The following GMDS variants were observed in gnomAD, a reference collection of about 807,000 sequenced individuals.
GMDS encodes GDP-mannose 4,6 dehydratase.
Under a neutral mutation model 49.9 loss-of-function variants are expected in GMDS, and 20 were observed. The observed-to-expected ratio is 0.40, with a 90% CI of 0.28 to 0.58. The LOEUF (loss-of-function observed/expected upper bound fraction) is 0.58, where lower values mean the gene tolerates loss of function less well. GMDS is among the 20% of genes least tolerant of loss of function. GMDS has a pLI of 0.42. For synonymous variants in GMDS, 177 were observed against 178.6 expected, an observed-to-expected ratio of 0.99 and a Z score of 0.07; for missense variants, 362 against 481.4, an observed-to-expected ratio of 0.75 and a Z score of 2.32.
intron 1 of GMDS, among the ~76,000 whole-genome samples, chr6:2,210,861 G>C (rs1452369047): frequency 1.3e-5 from 2 of 152,188 alleles, no homozygotes; most frequent in Non-Finnish European, 1.5e-5. Flanking sequence ...AGCACTGAGG[G>C]AGGGACCTGG....
intron 6 of GMDS, among the ~76,000 whole-genome samples, chr6:1,932,315 C>T (rs1174389005): frequency 1.3e-5 from 2 of 152,076 alleles, no homozygotes; most frequent in African/African-American, 4.8e-5. Context: ...TCCGAGCAAC[C>T]CATGTGCTAA....
chr6:1,857,732 G>T (rs1757999926), intron 7 of GMDS, among the ~76,000 whole-genome samples: 1 of 151,694 alleles, frequency 6.6e-6, no homozygotes, highest in Admixed American at 6.6e-5. Context: ...TAGCAAGACT[G>T]AGCCCTAGTC....
intron 4 of GMDS, among the ~76,000 whole-genome samples, chr6:1,964,182 C>A (rs1764128860): frequency 6.6e-6 from 1 of 152,204 alleles, no homozygotes; most frequent in Non-Finnish European, 1.5e-5. Context: ...TCTTCTCTGA[C>A]ATCAAGTGTC....
chr6:2,131,943 C>T (rs1444660516), intron 1 of GMDS, among the ~76,000 whole-genome samples: 2 of 152,048 alleles, frequency 1.3e-5, no homozygotes, highest in Admixed American at 1.3e-4. Context: ...ACTATCACTA[C>T]AAATGATGAC....
At chr6:2,160,338 C>T (rs982992672) in intron 1 of GMDS, among the ~76,000 whole-genome samples, 5 of 152,130 alleles carry the variant, frequency 3.3e-5, no homozygotes, top group Non-Finnish European at 7.4e-5. Flanking sequence ...TGTAACACAG[C>T]TTCTAACATT....
intron 4 of GMDS, 84 bp downstream of exon 4, chr6:2,115,687 T>C: frequency 1.3e-6 from 1 of 770,766 alleles, no homozygotes; most frequent in Non-Finnish European, 2.4e-6. Flanking sequence ...GTGATTATAT[T>C]ACTACACTGA....
intron 9 of GMDS, among the ~76,000 whole-genome samples, chr6:1,684,555 A>G (rs571353176): frequency 6.6e-5 from 10 of 152,300 alleles, no homozygotes; most frequent in South Asian, 4.2e-4. Flanking sequence ...GTAAATCTCA[A>G]TGACATTGTG....
Position 2,191,406 on chromosome 6 carries a change from G to A in GMDS, c.102+53915C>T, listed in dbSNP as rs773877013. ...CAAGGGGGCACAGCTGGGACTTCCC[G>A]CTTCATGGAACCGGGAGCCAGGAGC... On this transcript the variant is annotated intron_variant, in intron 1 of 10. Coordinates refer to ENST00000380815, the MANE Select transcript of GMDS (RefSeq NM_001500.4). The surrounding 1 kb of genome is among the most constrained non-coding windows in gnomAD (Gnocchi z 4.6). Among the ~76,000 whole-genome samples the A allele has an allele frequency of 1.3e-5, 2 of 152,152 alleles. No individual in the cohort carries two copies. The highest frequency in any genetic ancestry group is 2.9e-5 in the Non-Finnish European group (2 of 68,004).
intron 4 of GMDS, among the ~76,000 whole-genome samples, chr6:1,993,665 T>C (rs1246522075): frequency 6.6e-6 from 1 of 151,566 alleles, no homozygotes; most frequent in Non-Finnish European, 1.5e-5. Context: ...CTCTATTTTA[T>C]AAATGTTTGC....
At chr6:2,244,927 G>C (rs1781791604) in intron 1 of GMDS, among the ~76,000 whole-genome samples, 1 of 152,136 alleles carries the variant, frequency 6.6e-6, no homozygotes, top group Non-Finnish European at 1.5e-5. Flanking sequence ...ACATCAAGAA[G>C]ACCTCACCCG....
intron 4 of GMDS, among the ~76,000 whole-genome samples, chr6:2,013,262 T>C (rs1767672514): frequency 1.3e-5 from 2 of 152,150 alleles, no homozygotes; most frequent in Admixed American, 1.3e-4. Flanking sequence ...TATGGAAAAC[T>C]AAAACCTGTG....
At chr6:1,749,808 A>G (rs1288589132) in intron 7 of GMDS, among the ~76,000 whole-genome samples, 1 of 152,024 alleles carries the variant, frequency 6.6e-6, no homozygotes, top group Non-Finnish European at 1.5e-5. Flanking sequence ...ATTTTCTTCA[A>G]ATGTCATGGT....
chr6:1,740,942 GA>G (rs1671933157), intron 8 of GMDS, among the ~76,000 whole-genome samples: 2 of 152,172 alleles, frequency 1.3e-5, no homozygotes, highest in South Asian at 4.2e-4. Flanking sequence ...TCTTGGCCAC[GA>G]ATTGTCAATA....
intron 4 of GMDS, among the ~76,000 whole-genome samples, chr6:2,072,705 C>T (rs928446688): frequency 6.6e-6 from 1 of 152,162 alleles, no homozygotes; most frequent in African/African-American, 2.4e-5. Flanking sequence ...ACAGGCATTG[C>T]TCTTTCAAGA....
At chr6:1,801,704 C>G (rs1027441078) in intron 7 of GMDS, among the ~76,000 whole-genome samples, 2 of 152,254 alleles carry the variant, frequency 1.3e-5, no homozygotes, top group Non-Finnish European at 2.9e-5. Context: ...GCCCCGGGCA[C>G]AAGCCCCACA....
intron 1 of GMDS, among the ~76,000 whole-genome samples, chr6:2,192,445 CAG>C (rs1251588575): frequency 6.6e-6 from 1 of 152,248 alleles, no homozygotes; most frequent in Non-Finnish European, 1.5e-5. Flanking sequence ...GTAACACACA[CAG>C]GGCTGAAACA....
chr6:2,126,780 C>G (rs993969531), intron 1 of GMDS, among the ~76,000 whole-genome samples: 1 of 152,104 alleles, frequency 6.6e-6, no homozygotes, highest in Non-Finnish European at 1.5e-5. Context: ...ATTACAGGTG[C>G]GTGCCACCAC....
intron 7 of GMDS, among the ~76,000 whole-genome samples, chr6:1,814,048 T>G (rs1252349154): frequency 6.6e-6 from 1 of 152,224 alleles, no homozygotes; most frequent in African/African-American, 2.4e-5. Flanking sequence ...GGAGCCTATT[T>G]GTGATTTGTG....
chr6:1,722,057 C>T (rs1232537597), intron 9 of GMDS, among the ~76,000 whole-genome samples: 15 of 129,302 alleles, frequency 1.2e-4, no homozygotes, highest in African/African-American at 3.7e-4. Flanking sequence ...GAACTGCTAT[C>T]ACGTCTTTTT....
Sources: gnomAD v4.1 joint callset for allele counts (sites outside exome capture counted in the v4.1 genomes callset) on GRCh38, gnomAD v4.1.1 for gene constraint, Gnocchi (gnomAD v3.1) non-coding constraint, MANE v1.5 for transcripts, NCBI Gene and HGNC (gene_info 2026-07-23, HGNC 2026-07-21) for gene names.